Variants in MGAT4D observed in about 807,000 individuals in gnomAD.
MGAT4D encodes the protein MGAT4 family member D, also known as alpha-1,3-mannosyl-glycoprotein 4-beta-N-acetylglucosaminyltransferase-like protein MGAT4D.
In MGAT4D, 34 loss-of-function variants were observed where a neutral mutation model predicts 15.9. That is an observed-to-expected ratio of 2.14 (90% CI 1.62 to 2.84). The LOEUF (loss-of-function observed/expected upper bound fraction) is 2.84, where lower values mean the gene tolerates loss of function less well. MGAT4D is among the 30% of genes most tolerant of loss of function. MGAT4D has a pLI of 0.00. For missense variants in MGAT4D, 327 were observed against 140.2 expected, an observed-to-expected ratio of 2.33 and a Z score of -6.73; for synonymous variants, 112 against 48.2, an observed-to-expected ratio of 2.33 and a Z score of -5.49.
intron 8 of MGAT4D, chr4:140,458,331 T>C (rs1253087413): frequency 3.3e-5 from 5 of 152,216 alleles, no homozygotes; most frequent in Admixed American, 3.3e-4. Context: ...AGTTCACTTG[T>C]AGACAGCAAA....
chr4:140,453,336 C>A (rs1730590880), intron 9 of MGAT4D, among the ~76,000 whole-genome samples: 1 of 151,924 alleles, frequency 6.6e-6, no homozygotes, highest in Non-Finnish European at 1.5e-5. Context: ...ATCCATAGAC[C>A]AATTAGGGTA....
rs140378766 is a variant in MGAT4D, at chr4:140,458,548, T to G, written c.877+964A>C. The stretch of plus-strand genomic sequence containing the variant: ...AGGTTACAGTTTTATATGCATGATC[T>G]CTATGTGCAAAACAGGTAGTCCTCA... On this transcript the variant is annotated intron_variant, in intron 8 of 10. Transcript: ENST00000511113. 3.3e-5 allele frequency: 5 copies of G among 152,340 alleles called. No individual in the cohort carries two copies. In the East Asian group the frequency reaches 5.8e-4, roughly 18 times the overall value. 9.4% of individuals were successfully genotyped at this position (152,340 alleles called of 1,614,324 possible).
chr4:140,468,598 T>A (rs768175042), intron 5 of MGAT4D, among the ~76,000 whole-genome samples: 3 of 152,186 alleles, frequency 2.0e-5, no homozygotes, highest in Non-Finnish European at 2.9e-5. Context: ...TAGTTTATTG[T>A]TCAGAATAAA....
rs541445863 is a variant in MGAT4D at position 140,482,328 on chromosome 4, T to C, written c.252A>G (p.Leu84=). The C allele has an allele frequency of 1.5e-4, 92 of 622,410 alleles. No individual in the cohort carries two copies. The highest frequency in any genetic ancestry group is 1.5e-3 in the South Asian group (78 of 53,724). The allele number at this position is 622,410 out of a possible 1,614,324, so 38.6% of individuals were successfully genotyped here. ...AAAACAAACAAAATCAACACAAACCTAAGTTTCCTGACAAAATTTCTCTCT... is the reference window on the plus strand; with the variant it reads ...AAAACAAACAAAATCAACACAAACCCAAGTTTCCTGACAAAATTTCTCTCT... ...ITKREILSGN[L]VAQKADILNK... Residue 84 remains leucine, a splice_region_variant and synonymous_variant, in exon 2 of 11, where the codon TTA becomes TTG. Transcript: ENST00000511113.
chr4:140,484,167 G>C lies in MGAT4D; in HGVS notation c.95-1682C>G, dbSNP rs1732935164. On this transcript the variant is annotated intron_variant, in intron 1 of 10. Coordinates refer to ENST00000511113, the MANE Select transcript of MGAT4D (RefSeq NM_001277353.2). ...TATTTGCAAACCATACATCTGAAAAGAGGTTAATATCTAAAATATATAAGA... is the reference window on the plus strand; with the variant it reads ...TATTTGCAAACCATACATCTGAAAACAGGTTAATATCTAAAATATATAAGA... Among the ~76,000 whole-genome samples, 2 of 152,078 alleles carry C rather than the reference G, an allele frequency of 1.3e-5. 1 individual carries two copies. Among genetic ancestry groups the C allele is most frequent in the South Asian group, 4.1e-4 (2 of 4,830 alleles).
intron 10 of MGAT4D, among the ~76,000 whole-genome samples, chr4:140,447,906 T>C (rs1350896686): frequency 6.6e-6 from 1 of 152,198 alleles, no homozygotes; most frequent in Non-Finnish European, 1.5e-5. Flanking sequence ...CTGGTGGTAA[T>C]GAATTCTCTC....
Position 140,443,463 on chromosome 4 carries a change from AT to A in MGAT4D, c.1117-20del, listed in dbSNP as rs1344208949. 5 of 537,384 alleles carry A rather than the reference AT, an allele frequency of 9.3e-6. No homozygotes were observed. The African/African-American group carries it at 9.7e-5, about 10-fold the overall frequency. 33.3% of individuals were successfully genotyped at this position (537,384 alleles called of 1,614,324 possible). Reference sequence around the variant, plus strand: ...ATATTTTCTGAAATGAAAACAAAAAATGTAACATCTAGAAATAATATATTAA... The same window carrying A: ...ATATTTTCTGAAATGAAAACAAAAAAGTAACATCTAGAAATAATATATTAA... On this transcript the variant is annotated intron_variant, in intron 10 of 10. Coordinates refer to ENST00000511113, the MANE Select transcript of MGAT4D (RefSeq NM_001277353.2).
At chr4:140,445,523 C>T (rs541714903) in intron 10 of MGAT4D, among the ~76,000 whole-genome samples, 1 of 152,238 alleles carries the variant, frequency 6.6e-6, no homozygotes, top group South Asian at 2.1e-4. Context: ...TATAGAAGCT[C>T]TTTAGTTTAA....
At chr4:140,460,481 T>C (rs12509826) in intron 7 of MGAT4D, among the ~76,000 whole-genome samples, 38,232 of 152,072 alleles carry the variant, frequency 0.25, 4,925 homozygotes, top group South Asian at 0.38. Context: ...AATCTAATTG[T>C]CTCCCACAGG....
At chr4:140,478,816 G>A (rs1732511173) in intron 3 of MGAT4D, among the ~76,000 whole-genome samples, 1 of 151,538 alleles carries the variant, frequency 6.6e-6, no homozygotes, top group Admixed American at 6.6e-5. Flanking sequence ...TTGGCTATTG[G>A]GTTATACCAT....
At chr4:140,483,597 C>G (rs1732890423) in intron 1 of MGAT4D, among the ~76,000 whole-genome samples, 1 of 152,090 alleles carries the variant, frequency 6.6e-6, no homozygotes, top group Non-Finnish European at 1.5e-5. Context: ...AGACATCACA[C>G]TACCTGACTT....
chr4:140,498,245 G>A lies in MGAT4D; in HGVS notation c.-23C>T. 1 of 701,704 alleles carries A rather than the reference G, an allele frequency of 1.4e-6. No homozygotes were observed. The highest frequency in any genetic ancestry group is 1.5e-5 in the South Asian group (1 of 67,474). 43.5% of individuals were successfully genotyped at this position (701,704 alleles called of 1,614,324 possible). On this transcript the variant is annotated 5_prime_UTR_variant, in exon 1 of 11. Coordinates refer to ENST00000511113, the MANE Select transcript of MGAT4D (RefSeq NM_001277353.2). ...CATGGCCCTGGCCAGGCTGCGGGAG[G>A]CCGGCGGGTGGAGGCGGCGGATAAT... is the stretch of plus-strand genomic sequence containing the variant.
At chr4:140,498,045 C>T in intron 1 of MGAT4D, 84 bp downstream of exon 1, 2 of 625,840 alleles carry the variant, frequency 3.2e-6, no homozygotes, top group South Asian at 1.7e-5. Flanking sequence ...GCCTCCGCAC[C>T]CGCCGACCCT....
At chr4:140,456,892 G>GT (rs1380854576) in intron 8 of MGAT4D, 173 bp from the exon 9 acceptor site, 8 of 381,908 alleles carry the variant, frequency 2.1e-5, no homozygotes, top group Admixed American at 4.3e-5. Context: ...ATCTGCTTAA[G>GT]TATTAAGGAT....
At chr4:140,449,102 A>G (rs1360143478) in intron 10 of MGAT4D, among the ~76,000 whole-genome samples, 1 of 152,230 alleles carries the variant, frequency 6.6e-6, no homozygotes. Flanking sequence ...TATACAATGG[A>G]GAGGTAGAAA....
At chr4:140,494,803 T>G (rs572158297) in intron 1 of MGAT4D, among the ~76,000 whole-genome samples, 1 of 152,270 alleles carries the variant, frequency 6.6e-6, no homozygotes, top group East Asian at 1.9e-4. Flanking sequence ...TGGCATATCC[T>G]GGATAGAACC....
chr4:140,462,329 T>G (rs1245253017), intron 6 of MGAT4D, among the ~76,000 whole-genome samples: 1 of 152,202 alleles, frequency 6.6e-6, no homozygotes, highest in Admixed American at 6.5e-5. Context: ...CAAATGAAAG[T>G]ATAAAGAAAC....
rs529507435 is a variant in MGAT4D, at chr4:140,474,397, G to T, written c.525+416C>A. Among the ~76,000 whole-genome samples, 83 of 152,232 alleles carry T rather than the reference G, an allele frequency of 5.5e-4. 1 individual carries two copies. Among genetic ancestry groups the T allele is most frequent in the African/African-American group, 1.9e-3 (78 of 41,542 alleles). ...AGAAAGTCTCTCAATCATAGGTGTT[G>T]TTGCTTAATACAAATTATCTCTTGA... is the stretch of plus-strand genomic sequence containing the variant. On this transcript the variant is annotated intron_variant, in intron 4 of 10. Transcript: ENST00000511113.
At chr4:140,483,553 G>C (rs1338063875) in intron 1 of MGAT4D, among the ~76,000 whole-genome samples, 1 of 151,904 alleles carries the variant, frequency 6.6e-6, no homozygotes, top group South Asian at 2.1e-4. Flanking sequence ...ACCCCAAAAA[G>C]CCAAAGCAAT....
Sources: allele counts gnomAD v4.1 joint callset (sites outside exome capture counted in the v4.1 genomes callset), GRCh38; gene constraint gnomAD v4.1.1; transcripts MANE v1.5; gene names NCBI Gene and HGNC (gene_info 2026-07-23, HGNC 2026-07-21).